FAM110C: variants seen among roughly 807,000 people sequenced by gnomAD.
The protein encoded by FAM110C is protein FAM110C.
A neutral mutation model predicts 15.7 loss-of-function variants in FAM110C; 19 were observed. The observed-to-expected ratio is 1.21, with a 90% CI of 0.85 to 1.78. The LOEUF (loss-of-function observed/expected upper bound fraction) is 1.78, where lower values mean the gene tolerates loss of function less well. Ranked by LOEUF, FAM110C falls within the 40% of genes most tolerant of loss-of-function variation. The pLI, the probability that FAM110C is intolerant of heterozygous loss-of-function variation, is 0.00. For synonymous variants in FAM110C, 275 were observed against 233.9 expected (o/e 1.18, Z -1.61); for missense variants, 547 against 495.7 (o/e 1.10, Z -0.98).
chr2:45,727 T>C lies in FAM110C; in HGVS notation c.659A>G (p.Gln220Arg), dbSNP rs1466972574. 2 of 1,599,622 alleles carry C rather than the reference T, an allele frequency of 1.3e-6. No individual in the cohort carries two copies. The highest frequency in any genetic ancestry group is 1.3e-5 in the African/African-American group (1 of 74,736). The change falls in exon 1 of 2, where the codon CAG becomes CGG. Residue 220 changes from glutamine to arginine, a missense_variant. Gln to Arg is a conservative substitution (Grantham distance 43). Coordinates refer to ENST00000327669, the MANE Select transcript of FAM110C (RefSeq NM_001077710.3). Reference sequence around the variant, plus strand: ...CACCTCGGGGTCCAGGCCGCAGTACTGGAAGAAGGTGTCAGACTCGGCCAA... The same window carrying C: ...CACCTCGGGGTCCAGGCCGCAGTACCGGAAGAAGGTGTCAGACTCGGCCAA... ...AALAESDTFF[Q>R]YCGLDPEVVE...
chr2:46,345 C>A lies in FAM110C; in HGVS notation c.41G>T (p.Arg14Leu). 4 of 1,309,510 alleles carry A rather than the reference C, an allele frequency of 3.1e-6. No homozygotes were observed. Among genetic ancestry groups the A allele is most frequent in the Non-Finnish European group, 3.9e-6 (4 of 1,033,474 alleles). 81.1% of individuals were successfully genotyped at this position (1,309,510 alleles called of 1,614,324 possible). Residue 14 changes from arginine to leucine, a missense_variant, in exon 1 of 2, where the codon CGG becomes CTG. By Grantham distance (102) the Arg-to-Leu change is moderately radical. Transcript: ENST00000327669. Reference protein sequence around the residue: ...LAALSAPPNERLLPRDPAATR... With the variant: ...LAALSAPPNELLLPRDPAATR... ...AGCCGCGGGGTCCCGGGGAAGGAGC[C>A]GCTCGTTCGGGGGCGCGCTCAGGGC... is the stretch of plus-strand genomic sequence containing the variant.
chr2:42,379 A>G (rs776433725), intron 1 of FAM110C: 8 of 908,914 alleles, frequency 8.8e-6, no homozygotes, highest in Non-Finnish European at 1.1e-5. Context: ...AGGACAAGTT[A>G]TTTATGCCAG....
chr2:44,023 C>T, intron 1 of FAM110C: 1 of 985,408 alleles, frequency 1.0e-6, no homozygotes, highest in Non-Finnish European at 1.2e-6. Context: ...AGTGCTCTAT[C>T]CACCAGACAC....
intron 1 of FAM110C, 98 bp from the exon 2 acceptor site, chr2:41,725 T>C: frequency 6.9e-7 from 1 of 1,455,000 alleles, no homozygotes; most frequent in Non-Finnish European, 9.1e-7. Flanking sequence ...CCTGTAGTTT[T>C]TGTTTTCTGA....
chr2:39,627 C>G lies in FAM110C; in HGVS notation c.*1981G>C, dbSNP rs1470779519. 2 of 152,174 alleles carry G rather than the reference C, an allele frequency of 1.3e-5. No individual in the cohort carries two copies. Among genetic ancestry groups the G allele is most frequent in the Admixed American group, 6.5e-5 (1 of 15,284 alleles). The allele number at this position is 152,174 out of a possible 1,614,324, so 9.4% of individuals were successfully genotyped here. ...TTTTCCTGTGCCACCACCAAAGGTG[C>G]AAACATTTCTAAAAGATCTTGGTGG... On this transcript the variant is annotated 3_prime_UTR_variant, in exon 2 of 2. Coordinates refer to ENST00000327669, the MANE Select transcript of FAM110C (RefSeq NM_001077710.3).
chr2:41,714 C>T (rs1664130626), intron 1 of FAM110C, 87 bp from the exon 2 acceptor site: 5 of 1,492,010 alleles, frequency 3.4e-6, no homozygotes, highest in Middle Eastern at 3.8e-4. Context: ...CTGGTCTGGT[C>T]CCTGTAGTTT....
chr2:41,524 C>T lies in FAM110C; in HGVS notation c.*84G>A. 1 of 1,491,080 alleles carries T rather than the reference C, an allele frequency of 6.7e-7. No homozygotes were observed. Among genetic ancestry groups the T allele is most frequent in the Non-Finnish European group, 9.2e-7 (1 of 1,085,528 alleles). The allele number at this position is 1,491,080 out of a possible 1,614,324, so 92.4% of individuals were successfully genotyped here. A position where few individuals can be genotyped will look rare whatever the true frequency, so the allele number is the denominator to read the frequency against. On this transcript the variant is annotated 3_prime_UTR_variant, in exon 2 of 2. Coordinates refer to ENST00000327669, the MANE Select transcript of FAM110C (RefSeq NM_001077710.3). ...ATGGGATGCTGCATTCCTGGTAAAA[C>T]AGCAATCATGTGGTCACCTAGGCAC...
Position 45,722 on chromosome 2 carries a change from A to T in FAM110C, c.664T>A (p.Cys222Ser). 6.2e-7 allele frequency: 1 copy of T among 1,600,972 alleles called. No individual in the cohort carries two copies. Among genetic ancestry groups the T allele is most frequent in the East Asian group, 2.3e-5 (1 of 44,380 alleles). ...LAESDTFFQY[C>S]GLDPEVVEAL... ...TCCACCACCTCGGGGTCCAGGCCGC[A>T]GTACTGGAAGAAGGTGTCAGACTCG... Residue 222 changes from cysteine to serine, a missense_variant, in exon 1 of 2, where the codon TGC (cysteine) becomes AGC (serine). Transcript: ENST00000327669.
At position 40,786 on chromosome 2, in the gene FAM110C, T is replaced by G. The variant is rs1664102660; in HGVS notation, c.*822A>C. On this transcript the variant is annotated 3_prime_UTR_variant, in exon 2 of 2. Transcript: ENST00000327669. ...AGAGAACCATGGAGTACATTCTAAA[T>G]AGTGCTGCAAAAGTGAAATGTTGTA... 2 of 152,234 alleles carry G rather than the reference T, an allele frequency of 1.3e-5. No individual in the cohort carries two copies. Among genetic ancestry groups the G allele is most frequent in the South Asian group, 4.1e-4 (2 of 4,832 alleles). 9.4% of individuals were successfully genotyped at this position (152,234 alleles called of 1,614,324 possible).
chr2:42,969 G>A (rs35748763), intron 1 of FAM110C: 10 of 985,310 alleles, frequency 1.0e-5, no homozygotes, highest in South Asian at 4.7e-5. Context: ...TCAGAGGACC[G>A]CCCCACTGAC....
chr2:46,226 TC>T lies in FAM110C; in HGVS notation c.159del (p.Thr54LeufsTer42), dbSNP rs1338071123. 9 of 1,395,042 alleles carry T rather than the reference TC, an allele frequency of 6.5e-6. No individual in the cohort carries two copies. The highest frequency in any genetic ancestry group is 3.1e-5 in the South Asian group (2 of 63,644). 86.4% of individuals were successfully genotyped at this position (1,395,042 alleles called of 1,614,324 possible). A position where few individuals can be genotyped will look rare whatever the true frequency, so the allele number is the denominator to read the frequency against. On this transcript the variant is annotated frameshift_variant, in exon 1 of 2. Coordinates refer to ENST00000327669, the MANE Select transcript of FAM110C (RefSeq NM_001077710.3). LOFTEE classifies it high-confidence loss of function. ...CCCTCGGAAGCGACGCCCCGGCCAG[TC>T]CCCGGCCGACCCCGCACATACTTGG... Reference protein sequence around the residue: ...DRAKYVRGRPGTGRGVASEGS... With the variant: ...DRAKYVRGRPXTGRGVASEGS...
At chr2:42,017 C>G (rs1419814597) in intron 1 of FAM110C, 1 of 985,290 alleles carries the variant, frequency 1.0e-6, no homozygotes, top group African/African-American at 1.7e-5. Context: ...TGAGGGCAAA[C>G]AGATTCCTCC....
Position 41,529 on chromosome 2 carries a change from ATCATGTGG to A in FAM110C, c.*71_*78del. The A allele has an allele frequency of 6.5e-7, 1 of 1,529,000 alleles. No individual in the cohort carries two copies. The highest frequency in any genetic ancestry group is 9.0e-7 in the Non-Finnish European group (1 of 1,115,860). 94.7% of individuals were successfully genotyped at this position (1,529,000 alleles called of 1,614,324 possible). A position where few individuals can be genotyped will look rare whatever the true frequency, so the allele number is the denominator to read the frequency against. ...ATGCTGCATTCCTGGTAAAACAGCA[ATCATGTGG>A]TCACCTAGGCACACTAGCCAAATGG... is the stretch of plus-strand genomic sequence containing the variant. On this transcript the variant is annotated 3_prime_UTR_variant, in exon 2 of 2. Coordinates refer to ENST00000327669, the MANE Select transcript of FAM110C (RefSeq NM_001077710.3).
intron 1 of FAM110C, chr2:44,419 C>G: frequency 1.0e-6 from 1 of 985,406 alleles, no homozygotes; most frequent in African/African-American, 1.7e-5. Flanking sequence ...CTCCCCCAAA[C>G]TCTACAGGCT....
chr2:44,186 C>T, intron 1 of FAM110C: 1 of 985,316 alleles, frequency 1.0e-6, no homozygotes, highest in African/African-American at 1.7e-5. Flanking sequence ...AGAACTTTGC[C>T]TATATATATT....
In FAM110C at chr2:41,768, G is replaced by A. The variant is rs551407872; in HGVS notation, c.947-141C>T. 8.2e-4 allele frequency: 1,114 copies of A among 1,356,790 alleles called. 4 individuals are homozygous for A. Among genetic ancestry groups the A allele is most frequent in the Non-Finnish European group, 7.9e-4 (836 of 1,052,966 alleles). 84.0% of individuals were successfully genotyped at this position (1,356,790 alleles called of 1,614,324 possible). On this transcript the variant is annotated intron_variant, in intron 1 of 1. Coordinates refer to ENST00000327669, the MANE Select transcript of FAM110C (RefSeq NM_001077710.3). ...TGCATTTTGAAACATCTTCTTTTGC[G>A]TTTTAAATTTTGACAAGAGGTCAGT... is the stretch of plus-strand genomic sequence containing the variant.
intron 1 of FAM110C, chr2:43,636 G>A: frequency 1.0e-6 from 1 of 985,430 alleles, no homozygotes; most frequent in Non-Finnish European, 1.2e-6. Flanking sequence ...ATGGGAACCA[G>A]CCTGGGTCTG....
Position 46,197 on chromosome 2 carries a change from G to A in FAM110C, c.189C>T (p.Ser63=). The change falls in exon 1 of 2, where the codon AGC becomes AGT. Residue 63 remains serine, a synonymous_variant. Transcript: ENST00000327669. ...GTGRGVASEG[S]GPGAIKCPGN... Reference sequence around the variant, plus strand: ...CCGGGCACTTGATCGCCCCCGGGCCGCTGCCCTCGGAAGCGACGCCCCGGC... The same window carrying A: ...CCGGGCACTTGATCGCCCCCGGGCCACTGCCCTCGGAAGCGACGCCCCGGC... The A allele has an allele frequency of 7.3e-7, 1 of 1,377,460 alleles. No homozygotes were observed. The highest frequency in any genetic ancestry group is 1.7e-5 in the South Asian group (1 of 59,168). 85.3% of individuals were successfully genotyped at this position (1,377,460 alleles called of 1,614,324 possible).
chr2:43,556 T>A, intron 1 of FAM110C: 1 of 985,472 alleles, frequency 1.0e-6, no homozygotes, highest in Non-Finnish European at 1.2e-6. Flanking sequence ...CTAAAAGGTC[T>A]TTAGGATTTA....
Sources: gnomAD v4.1 joint callset for allele counts on GRCh38, gnomAD v4.1.1 for gene constraint, MANE v1.5 for transcripts, NCBI Gene and HGNC (gene_info 2026-07-23, HGNC 2026-07-21) for gene names.